Variants in SDK1 observed in about 807,000 individuals in gnomAD.
SDK1 encodes sidekick cell adhesion molecule 1.
Under a neutral mutation model 245.5 loss-of-function variants are expected in SDK1, and 157 were observed. The observed-to-expected ratio is 0.64, with a 90% CI of 0.56 to 0.73. The LOEUF (loss-of-function observed/expected upper bound fraction) is 0.73, where lower values mean the gene tolerates loss of function less well. Ranked by LOEUF, SDK1 falls within the 30% of genes least tolerant of loss-of-function variation. SDK1 has a pLI of 0.00. For synonymous variants in SDK1, 1,647 were observed against 1,278.5 expected (o/e 1.29, Z -6.15); for missense variants, 3,583 against 3,002.3 (o/e 1.19, Z -4.52).
intron 35 of SDK1, among the ~76,000 whole-genome samples, chr7:4,197,962 G>C (rs948874627): frequency 6.6e-6 from 1 of 152,222 alleles, no homozygotes; most frequent in Non-Finnish European, 1.5e-5. Context: ...TGGTTTCGGA[G>C]GGTCCTCCAG....
At chr7:3,612,358 C>T (rs1194569176) in intron 1 of SDK1, among the ~76,000 whole-genome samples, 1 of 152,106 alleles carries the variant, frequency 6.6e-6, no homozygotes, top group African/African-American at 2.4e-5. Flanking sequence ...AACCTCACCC[C>T]AGAAGTACAT....
chr7:3,672,083 C>T (rs1357633344), intron 4 of SDK1, among the ~76,000 whole-genome samples: 6 of 152,030 alleles, frequency 3.9e-5, no homozygotes, highest in Non-Finnish European at 7.4e-5. Flanking sequence ...CACAGGGTCT[C>T]CTGAGGTCTT....
intron 1 of SDK1, among the ~76,000 whole-genome samples, chr7:3,421,384 C>T (rs1004347142): frequency 2.0e-5 from 3 of 152,054 alleles, no homozygotes; most frequent in Admixed American, 6.6e-5. Flanking sequence ...CCTGCACTCT[C>T]ACTTCTAGTT....
intron 1 of SDK1, among the ~76,000 whole-genome samples, chr7:3,485,615 T>C (rs1781660079): frequency 6.6e-6 from 1 of 151,432 alleles, no homozygotes; most frequent in South Asian, 2.1e-4. Flanking sequence ...TTAGCTGTTA[T>C]GAAAATGCTT....
Position 3,560,695 on chromosome 7 carries a change from C to T in SDK1, c.299-58385C>T, listed in dbSNP as rs59206202. Among the ~76,000 whole-genome samples the T allele has an allele frequency of 5.2e-3, 795 of 152,212 alleles. 4 individuals carry two copies. Among genetic ancestry groups the T allele is most frequent in the African/African-American group, 0.018 (764 of 41,514 alleles). On this transcript the variant is annotated intron_variant, in intron 1 of 44. Coordinates refer to ENST00000404826, the MANE Select transcript of SDK1 (RefSeq NM_152744.4). ...TTCTCAGCACTCTCCAGTGGCCACC[C>T]ATTTAAACAGAGTTCAGACCCACGT...
chr7:3,994,728 T>C (rs1450814069), intron 14 of SDK1, among the ~76,000 whole-genome samples: 1 of 152,206 alleles, frequency 6.6e-6, no homozygotes, highest in Non-Finnish European at 1.5e-5. Context: ...CAATAAATTT[T>C]ATAGGGTTTA....
Position 3,885,658 on chromosome 7 carries a change from CAATT to C in SDK1, c.847+64077_847+64080del, listed in dbSNP as rs536633584. ...CCTAAGTTGATAAACGCTGTGGTAT[CAATT>C]ATCATATCTTTCAATAAATAGGTTA... is the stretch of plus-strand genomic sequence containing the variant. On this transcript the variant is annotated intron_variant, in intron 5 of 44. Transcript: ENST00000404826. Among the ~76,000 whole-genome samples the C allele has an allele frequency of 4.0e-3, 615 of 152,258 alleles. 6 individuals are homozygous for C. Among genetic ancestry groups the C allele is most frequent in the African/African-American group, 0.014 (598 of 41,560 alleles).
Position 4,151,724 on chromosome 7 carries a change from T to A in SDK1, c.4625+2261T>A, listed in dbSNP as rs117948827. ...CACTTCCATGTGTCATTTCATACGATCTTTGTAACAACCATGTGGACATGC... is the reference window on the plus strand; with the variant it reads ...CACTTCCATGTGTCATTTCATACGAACTTTGTAACAACCATGTGGACATGC... On this transcript the variant is annotated intron_variant, in intron 30 of 44. Coordinates refer to ENST00000404826, the MANE Select transcript of SDK1 (RefSeq NM_152744.4). 5.9e-5 allele frequency among the ~76,000 whole-genome samples: 9 copies of A among 152,322 alleles called. No individual in the cohort carries two copies. The East Asian group carries it at 1.7e-3, about 29-fold the overall frequency.
At chr7:4,108,051 A>G (rs1286253487) in intron 22 of SDK1, among the ~76,000 whole-genome samples, 1 of 152,106 alleles carries the variant, frequency 6.6e-6, no homozygotes, top group Non-Finnish European at 1.5e-5. Flanking sequence ...TCCACTAGAC[A>G]CTGTGCCGGG....
At chr7:3,400,970 A>C (rs906846592) in intron 1 of SDK1, among the ~76,000 whole-genome samples, 2 of 152,074 alleles carry the variant, frequency 1.3e-5, no homozygotes, top group African/African-American at 4.8e-5. Flanking sequence ...CAGGACAGTG[A>C]TGATGAGAAG....
chr7:3,368,655 C>G (rs1433224599), intron 1 of SDK1, among the ~76,000 whole-genome samples: 1 of 152,118 alleles, frequency 6.6e-6, no homozygotes, highest in Non-Finnish European at 1.5e-5. Context: ...CCCTGGGGAT[C>G]TTTATGTGCC....
In SDK1 at chr7:3,821,911, A is replaced by G. The variant is rs187477240; in HGVS notation, c.847+328A>G. On this transcript the variant is annotated intron_variant, in intron 5 of 44. Coordinates refer to ENST00000404826, the MANE Select transcript of SDK1 (RefSeq NM_152744.4). The stretch of plus-strand genomic sequence containing the variant: ...CTTTCAATTTAAATGAATTGTATCC[A>G]TGAACCTAAATCAGGACTAGATTAG... Among the ~76,000 whole-genome samples, 362 of 152,330 alleles carry G rather than the reference A, an allele frequency of 2.4e-3. 4 individuals are homozygous for G. Among genetic ancestry groups the G allele is most frequent in the African/African-American group, 8.3e-3 (343 of 41,574 alleles).
At chr7:3,993,834 C>G (rs1347913156) in intron 14 of SDK1, among the ~76,000 whole-genome samples, 1 of 152,152 alleles carries the variant, frequency 6.6e-6, no homozygotes, top group Non-Finnish European at 1.5e-5. Context: ...CGCATTCTAT[C>G]TACTCTTCTC....
At chr7:3,541,407 A>G (rs1779050146) in intron 1 of SDK1, among the ~76,000 whole-genome samples, 1 of 152,186 alleles carries the variant, frequency 6.6e-6, no homozygotes, top group Admixed American at 6.5e-5. Context: ...GTGGACTTCC[A>G]TGCCTCTATG....
chr7:3,784,429 G>C (rs528908182), intron 4 of SDK1, among the ~76,000 whole-genome samples: 30 of 151,938 alleles, frequency 2.0e-4, no homozygotes, highest in African/African-American at 6.7e-4. Flanking sequence ...CTAATCTACA[G>C]AGTAAGAAAA....
At chr7:3,392,833 G>C (rs905382571) in intron 1 of SDK1, among the ~76,000 whole-genome samples, 16 of 151,902 alleles carry the variant, frequency 1.1e-4, no homozygotes, top group Admixed American at 7.9e-4. Flanking sequence ...CAGTGTATGC[G>C]TATATCGCAT....
At chr7:3,422,236 G>C (rs920846368) in intron 1 of SDK1, among the ~76,000 whole-genome samples, 1 of 151,932 alleles carries the variant, frequency 6.6e-6, no homozygotes, top group Non-Finnish European at 1.5e-5. Context: ...TTACATAGGT[G>C]GTCAGAGGAT....
At chr7:3,847,862 T>G (rs763006554) in intron 5 of SDK1, among the ~76,000 whole-genome samples, 15 of 152,252 alleles carry the variant, frequency 9.9e-5, no homozygotes, top group Non-Finnish European at 1.9e-4. Context: ...GAAAACATTT[T>G]CTTTGACAGT....
At chr7:3,514,235 T>C (rs1382329105) in intron 1 of SDK1, among the ~76,000 whole-genome samples, 3 of 152,214 alleles carry the variant, frequency 2.0e-5, no homozygotes, top group East Asian at 1.9e-4. Context: ...AGATTTACAA[T>C]GGACATTTCT....
Sources: allele counts gnomAD v4.1 joint callset (sites outside exome capture counted in the v4.1 genomes callset), GRCh38; gene constraint gnomAD v4.1.1; transcripts MANE v1.5; gene names NCBI Gene and HGNC (gene_info 2026-07-23, HGNC 2026-07-21).